GSE1: variants seen among roughly 807,000 people sequenced by gnomAD.
GSE1 encodes the protein Gse1 coiled-coil protein, also known as genetic suppressor element 1.
Under a neutral mutation model 112.6 loss-of-function variants are expected in GSE1, and 32 were observed. The ratio of observed to expected loss-of-function variants is 0.28; its 90% CI spans 0.21 to 0.38. The LOEUF is 0.38. Among genes scored for constraint, GSE1 ranks in the 10% least tolerant of loss-of-function variants. The pLI is 1.00. For synonymous variants in GSE1, 1,115 were observed against 735.6 expected (o/e 1.52, Z -8.35); for missense variants, 2,348 against 1,699.2 (o/e 1.38, Z -6.71).
At chr16:85,374,455 A>C (rs1201359684) in intron 2 of GSE1, among the ~76,000 whole-genome samples, 1 of 149,506 alleles carries the variant, frequency 6.7e-6, no homozygotes, top group Non-Finnish European at 1.5e-5. Context: ...GTCCATGTGC[A>C]TTTTTGTGTG....
chr16:85,551,411 C>A (rs1001894164), upstream of GSE1, among the ~76,000 whole-genome samples: 1 of 152,292 alleles, frequency 6.6e-6, no homozygotes. Context: ...TGCTGCAGCT[C>A]CCCTGGGAAT....
At chr16:85,426,173 T>C (rs946984379) in intron 2 of GSE1, among the ~76,000 whole-genome samples, 1 of 134,162 alleles carries the variant, frequency 7.5e-6, no homozygotes, top group Non-Finnish European at 1.6e-5. Flanking sequence ...GTGGGGTGGA[T>C]GGATGTATAG....
intron 2 of GSE1, among the ~76,000 whole-genome samples, chr16:85,426,873 G>C (rs1000160640): frequency 6.6e-6 from 1 of 152,168 alleles, no homozygotes; most frequent in Non-Finnish European, 1.5e-5. Flanking sequence ...TTATTTTGTA[G>C]GGAGAAGTGC....
chr16:85,335,217 G>T (rs1165070653), intron 1 of GSE1, among the ~76,000 whole-genome samples: 1 of 152,232 alleles, frequency 6.6e-6, no homozygotes, highest in Non-Finnish European at 1.5e-5. Flanking sequence ...CACCCATCCC[G>T]GGAGGCCCCA....
intron 1 of GSE1, among the ~76,000 whole-genome samples, chr16:85,632,776 C>T (rs915190780): frequency 6.6e-6 from 1 of 152,150 alleles, no homozygotes; most frequent in South Asian, 2.1e-4. Context: ...GGCCCCAGCG[C>T]CCCCCCGCCC....
intron 2 of GSE1, among the ~76,000 whole-genome samples, chr16:85,543,338 C>A (rs1316665980): frequency 1.3e-5 from 2 of 152,054 alleles, no homozygotes; most frequent in African/African-American, 4.8e-5. Context: ...AGAGGGAAGG[C>A]TAAGTCATAC....
chr16:85,215,740 C>G (rs557683111), intron 1 of GSE1, among the ~76,000 whole-genome samples: 2 of 152,226 alleles, frequency 1.3e-5, no homozygotes, highest in East Asian at 3.9e-4. Context: ...CCACTGCTTT[C>G]AGAGCACACA....
At chr16:85,540,158 C>T (rs752676577) in intron 2 of GSE1, among the ~76,000 whole-genome samples, 6 of 152,134 alleles carry the variant, frequency 3.9e-5, no homozygotes, top group Non-Finnish European at 4.4e-5. Context: ...GTGTACAGCT[C>T]ATTGTATATG....
chr16:85,543,671 T>C (rs944741160), intron 2 of GSE1, among the ~76,000 whole-genome samples: 1 of 152,102 alleles, frequency 6.6e-6, no homozygotes, highest in African/African-American at 2.4e-5. Flanking sequence ...TCTAAATTTG[T>C]ATGTGGTAAA....
chr16:85,618,285 C>T (rs1262582667), intron 1 of GSE1, among the ~76,000 whole-genome samples: 2 of 152,156 alleles, frequency 1.3e-5, no homozygotes, highest in African/African-American at 4.8e-5. Context: ...CCCATGTTCT[C>T]ATCTGTAAGA....
At chr16:85,226,933 G>GC (rs1567622822) in intron 1 of GSE1, among the ~76,000 whole-genome samples, 1 of 152,004 alleles carries the variant, frequency 6.6e-6, no homozygotes, top group Non-Finnish European at 1.5e-5. Context: ...GGTTCTCCTT[G>GC]CAGGAATAAG....
intron 1 of GSE1, among the ~76,000 whole-genome samples, chr16:85,191,628 G>C (rs961857838): frequency 2.6e-5 from 4 of 152,134 alleles, no homozygotes; most frequent in African/African-American, 9.7e-5. Flanking sequence ...TCTACGTGCC[G>C]CTGTGCCTCT....
intron 2 of GSE1, among the ~76,000 whole-genome samples, chr16:85,540,874 T>G (rs552143981): frequency 2.0e-5 from 3 of 152,202 alleles, no homozygotes; most frequent in Admixed American, 2.0e-4. Context: ...ACCACTGCAC[T>G]CCGGCCTGAG....
chr16:85,293,058 C>G (rs1351353142), intron 1 of GSE1, among the ~76,000 whole-genome samples: 3 of 152,166 alleles, frequency 2.0e-5, no homozygotes, highest in Non-Finnish European at 4.4e-5. Context: ...CACCGTGTTG[C>G]TGAACACCTC....
At chr16:85,402,647 C>T (rs2048142852) in intron 2 of GSE1, among the ~76,000 whole-genome samples, 1 of 152,178 alleles carries the variant, frequency 6.6e-6, no homozygotes, top group Non-Finnish European at 1.5e-5. Flanking sequence ...CAAGGCCAGG[C>T]ATGGTGGCTC....
intron 1 of GSE1, among the ~76,000 whole-genome samples, chr16:85,625,171 C>G (rs898317010): frequency 1.9e-4 from 29 of 152,302 alleles, no homozygotes; most frequent in African/African-American, 6.3e-4. Context: ...CCGCCCGCAT[C>G]TGCCAGTCCC....
intron 1 of GSE1, among the ~76,000 whole-genome samples, chr16:85,333,281 G>A (rs533130425): frequency 2.0e-5 from 3 of 152,202 alleles, no homozygotes; most frequent in South Asian, 4.1e-4. Flanking sequence ...TGATCCACGC[G>A]GGCCCACCCA....
intron 2 of GSE1, among the ~76,000 whole-genome samples, chr16:85,636,692 G>C (rs892729239): frequency 5.9e-5 from 9 of 152,346 alleles, no homozygotes; most frequent in Middle Eastern, 3.4e-3. Flanking sequence ...CCTTCCCGGG[G>C]GGGGGCTGGG....
At chr16:85,199,982 G>A (rs2074999003) in intron 1 of GSE1, among the ~76,000 whole-genome samples, 1 of 152,170 alleles carries the variant, frequency 6.6e-6, no homozygotes, top group South Asian at 2.1e-4. Context: ...GCAGCCACCA[G>A]CCCCTGCCTG....
Sources: allele counts gnomAD v4.1 joint callset (sites outside exome capture counted in the v4.1 genomes callset), GRCh38; gene constraint gnomAD v4.1.1; transcripts MANE v1.5; gene names NCBI Gene and HGNC (gene_info 2026-07-23, HGNC 2026-07-21).